IL1RAPL2: variants seen among roughly 807,000 people sequenced by gnomAD.
IL1RAPL2 encodes X-linked interleukin-1 receptor accessory protein-like 2.
IL1RAPL2 carries 3 observed loss-of-function variants against 44.1 expected under a neutral mutation model. The ratio of observed to expected loss-of-function variants is 0.07; its 90% CI spans 0.03 to 0.18. The LOEUF is 0.18. Ranked by LOEUF, IL1RAPL2 falls within the 10% of genes least tolerant of loss-of-function variation. IL1RAPL2 has a pLI of 1.00. For synonymous variants in IL1RAPL2, 181 were observed against 178.8 expected (o/e 1.01, Z -0.10); for missense variants, 391 against 496.4 (o/e 0.79, Z 2.02).
chrX:105,029,669 G>C (rs2147751215), intron 2 of IL1RAPL2, among the ~76,000 whole-genome samples: 1 of 109,748 alleles, frequency 9.1e-6, no homozygotes, highest in East Asian at 2.9e-4. Flanking sequence ...CATTTGGGTT[G>C]GTTCCAAGTC....
intron 5 of IL1RAPL2, among the ~76,000 whole-genome samples, chrX:105,480,585 A>G (rs925910599): frequency 8.9e-5 from 10 of 112,207 alleles, no homozygotes; most frequent in African/African-American, 2.9e-4. Flanking sequence ...AGCAAATTCA[A>G]AGATTAGCTC....
intron 2 of IL1RAPL2, among the ~76,000 whole-genome samples, chrX:104,973,769 T>C (rs955311867): frequency 8.9e-6 from 1 of 111,916 alleles, no homozygotes; most frequent in Non-Finnish European, 1.9e-5. Context: ...ATCTATAACA[T>C]GCTTGGCCTT....
At chrX:104,855,849 T>C (rs1403151870) in intron 2 of IL1RAPL2, among the ~76,000 whole-genome samples, 1 of 108,300 alleles carries the variant, frequency 9.2e-6, no homozygotes, top group Non-Finnish European at 1.9e-5. Context: ...TTTTTATTTT[T>C]AGCACAGAGG....
chrX:105,743,830 A>G (rs188754615), intron 8 of IL1RAPL2, among the ~76,000 whole-genome samples: 24 of 112,421 alleles, frequency 2.1e-4, no homozygotes, highest in African/African-American at 7.4e-4. Context: ...GATTGATAAA[A>G]AGAAGATTTG....
At chrX:105,082,925 G>A (rs2032432896) in intron 2 of IL1RAPL2, among the ~76,000 whole-genome samples, 1 of 111,034 alleles carries the variant, frequency 9.0e-6, no homozygotes, top group Non-Finnish European at 1.9e-5. Flanking sequence ...TCGCCAGCAA[G>A]GAAACAAAAC....
intron 1 of IL1RAPL2, chrX:104,647,823 A>AT (rs1335486988): frequency 1.8e-6 from 1 of 550,342 alleles, no homozygotes; most frequent in African/African-American, 2.3e-5. Flanking sequence ...TTCTGTACCC[A>AT]TGGGATAGGA....
At chrX:105,044,031 C>T (rs910701034) in intron 2 of IL1RAPL2, among the ~76,000 whole-genome samples, 3 of 111,700 alleles carry the variant, frequency 2.7e-5, no homozygotes, top group Non-Finnish European at 5.6e-5. Flanking sequence ...ACACAACAGT[C>T]TTAGAGTACT....
rs753695118 is a variant in IL1RAPL2, at chrX:104,756,411, T to TAAAA, written c.82+97417_82+97418insAAAA. On this transcript the variant is annotated intron_variant, in intron 2 of 10. Coordinates refer to ENST00000372582, the MANE Select transcript of IL1RAPL2 (RefSeq NM_017416.2). ...ATCTTCTCATAAAGTAGTTGTCTTT[T>TAAAA]AGACTCATCTTGAAGTGTATGGAGT... Among the ~76,000 whole-genome samples, 5 of 111,580 alleles carry TAAAA rather than the reference T, an allele frequency of 4.5e-5. No individual in the cohort carries two copies. In the East Asian group the frequency reaches 1.4e-3, roughly 32 times the overall value.
At position 104,816,707 on chromosome X, in the gene IL1RAPL2, T is replaced by G. The variant is rs1921146447; in HGVS notation, c.82+157712T>G. 1.8e-5 allele frequency among the ~76,000 whole-genome samples: 2 copies of G among 111,739 alleles called. 1 individual carries two copies. Among genetic ancestry groups the G allele is most frequent in the South Asian group, 7.5e-4 (2 of 2,653 alleles). On this transcript the variant is annotated intron_variant, in intron 2 of 10. Coordinates refer to ENST00000372582, the MANE Select transcript of IL1RAPL2 (RefSeq NM_017416.2). ...GAAAAGAGGAGGTATAGCCCAATGGTTAAATTTGGGGGCTCTGGAATCATT... is the reference window on the plus strand; with the variant it reads ...GAAAAGAGGAGGTATAGCCCAATGGGTAAATTTGGGGGCTCTGGAATCATT...
chrX:105,574,277 C>G (rs781268653), intron 6 of IL1RAPL2, among the ~76,000 whole-genome samples: 22 of 111,347 alleles, frequency 2.0e-4, no homozygotes, highest in African/African-American at 6.9e-4. Flanking sequence ...GGAGAAGGTA[C>G]TAGTTAGAGG....
At chrX:105,095,818 G>A (rs2032597876) in intron 2 of IL1RAPL2, among the ~76,000 whole-genome samples, 1 of 111,519 alleles carries the variant, frequency 9.0e-6, no homozygotes, top group Non-Finnish European at 1.9e-5. Flanking sequence ...TAAAACACAA[G>A]CAACCAAAGA....
At chrX:105,047,428 A>G (rs1425420762) in intron 2 of IL1RAPL2, among the ~76,000 whole-genome samples, 2 of 111,603 alleles carry the variant, frequency 1.8e-5, no homozygotes, top group Admixed American at 1.9e-4. Flanking sequence ...GTTTTAATTG[A>G]TTTATCTATT....
intron 1 of IL1RAPL2, among the ~76,000 whole-genome samples, chrX:104,590,156 T>C (rs1928636440): frequency 9.0e-6 from 1 of 111,343 alleles, no homozygotes; most frequent in Non-Finnish European, 1.9e-5. Flanking sequence ...GTGATTCTCC[T>C]GTCCTGGCCT....
At chrX:104,849,368 G>A (rs752667539) in intron 2 of IL1RAPL2, among the ~76,000 whole-genome samples, 18 of 54,302 alleles carry the variant, frequency 3.3e-4, no homozygotes, top group Non-Finnish European at 5.4e-4. Context: ...ATATATATAT[G>A]GATTACTTAC....
intron 5 of IL1RAPL2, among the ~76,000 whole-genome samples, chrX:105,447,384 T>G (rs1208334304): frequency 1.5e-5 from 1 of 66,924 alleles, no homozygotes; most frequent in African/African-American, 7.1e-5. Context: ...TATAAATATA[T>G]AAATATAAAT....
intron 5 of IL1RAPL2, among the ~76,000 whole-genome samples, chrX:105,274,122 A>C (rs924118384): frequency 8.9e-6 from 1 of 112,291 alleles, no homozygotes; most frequent in Non-Finnish European, 1.9e-5. Context: ...TTCCACTATA[A>C]TATCCTTTTT....
chrX:105,492,632 G>A (rs958676722), intron 6 of IL1RAPL2, among the ~76,000 whole-genome samples: 24 of 109,515 alleles, frequency 2.2e-4, no homozygotes, highest in Non-Finnish European at 4.0e-4. Context: ...AGTGGTGGTG[G>A]TGGTGGAGCT....
chrX:104,994,294 C>T (rs994093298), intron 2 of IL1RAPL2, among the ~76,000 whole-genome samples: 7 of 110,957 alleles, frequency 6.3e-5, no homozygotes, highest in Non-Finnish European at 1.3e-4. Context: ...ACATACTGTA[C>T]GAATCTATTT....
At chrX:105,031,299 A>G (rs1216110559) in intron 2 of IL1RAPL2, among the ~76,000 whole-genome samples, 1 of 107,731 alleles carries the variant, frequency 9.3e-6, no homozygotes, top group Non-Finnish European at 1.9e-5. Context: ...GAGTGGTGAG[A>G]GAGGGCATCC....
Sources: gnomAD v4.1 joint callset for allele counts (sites outside exome capture counted in the v4.1 genomes callset) on GRCh38, gnomAD v4.1.1 for gene constraint, MANE v1.5 for transcripts, NCBI Gene and HGNC (gene_info 2026-07-23, HGNC 2026-07-21) for gene names.